Variants in MPHOSPH8 observed in about 807,000 individuals in gnomAD.
The protein encoded by MPHOSPH8 is M-phase phosphoprotein 8.
In MPHOSPH8, 45 loss-of-function variants were observed where a neutral mutation model predicts 87.3. That is an observed-to-expected ratio of 0.52 (90% CI 0.41 to 0.66). MPHOSPH8 has a LOEUF of 0.66. Ranked by LOEUF, MPHOSPH8 falls within the 30% of genes least tolerant of loss-of-function variation. The pLI, the probability that MPHOSPH8 is intolerant of heterozygous loss-of-function variation, is 0.00. For synonymous variants in MPHOSPH8, 366 were observed against 376.9 expected (o/e 0.97, Z 0.33); for missense variants, 883 against 1,020.2 (o/e 0.87, Z 1.83).
Position 19,647,275 on chromosome 13 carries a change from C to T in MPHOSPH8, c.1202C>T (p.Thr401Met), listed in dbSNP as rs1159548036. 40 of 1,600,184 alleles carry T rather than the reference C, an allele frequency of 2.5e-5. No individual in the cohort carries two copies. Among genetic ancestry groups the T allele is most frequent in the Non-Finnish European group, 2.3e-5 (27 of 1,176,064 alleles). Residue 401 changes from threonine (T) to methionine (M), a missense_variant, in exon 3 of 14, where the codon ACG becomes ATG. Physicochemically the swap from Thr to Met is moderately conservative, Grantham distance 81. Transcript: ENST00000361479. ...GGGGAAGAGAGAGGCCTCTGGTCCA[C>T]GGACTCAGCCGAGGAGGTAAGGGCC... ...LSGEERGLWS[T>M]DSAEEDKETK...
intron 1 of MPHOSPH8, 148 bp from the exon 2 acceptor site, chr13:19,641,967 A>T (rs757313460): frequency 2.0e-4 from 118 of 599,496 alleles, no homozygotes; most frequent in Non-Finnish European, 2.7e-4. Flanking sequence ...TTTTCTCAGG[A>T]GATGTGTGTA....
At position 19,633,960 on chromosome 13, in the gene MPHOSPH8, G is replaced by A; in HGVS notation, c.212G>A (p.Gly71Glu). ...AAGATCCTGGACATGAAGACCGAGGGGGTATGTGGAGGGGCCCCGGCGCGG... is the reference window on the plus strand; with the variant it reads ...AAGATCCTGGACATGAAGACCGAGGAGGTATGTGGAGGGGCCCCGGCGCGG... ...VEKILDMKTE[G>E]GKVLYKVRWK... The change falls in exon 1 of 14, where the codon GGG (glycine) becomes GAG (glutamate). Residue 71 changes from glycine (G) to glutamate (E), a missense_variant and splice_region_variant. Physicochemically the swap from Gly to Glu is moderately conservative, Grantham distance 98. This residue lies in a region of MPHOSPH8 where 103 missense variants were observed against 96.3 expected (regional missense o/e 1.07). Transcript: ENST00000361479. 1 of 1,606,572 alleles carries A rather than the reference G, an allele frequency of 6.2e-7. No homozygotes were observed. The highest frequency in any genetic ancestry group is 8.5e-7 in the Non-Finnish European group (1 of 1,177,212).
At chr13:19,650,319 T>C (rs1398140718) in intron 5 of MPHOSPH8, 59 bp downstream of exon 5, 4 of 1,530,042 alleles carry the variant, frequency 2.6e-6, no homozygotes, top group Non-Finnish European at 3.5e-6. Context: ...TATTTTACTG[T>C]ACTCTTCTCT....
intron 1 of MPHOSPH8, among the ~76,000 whole-genome samples, chr13:19,640,506 C>T (rs1373099419): frequency 6.6e-6 from 1 of 151,160 alleles, no homozygotes; most frequent in Non-Finnish European, 1.5e-5. Flanking sequence ...TTCTGGAAGG[C>T]ATTTGGCAGT....
chr13:19,668,116 G>A lies in MPHOSPH8; in HGVS notation c.2175-261G>A, dbSNP rs564986097. Among the ~76,000 whole-genome samples, 41 of 152,334 alleles carry A rather than the reference G, an allele frequency of 2.7e-4. 1 individual carries two copies. In the South Asian group the frequency reaches 8.3e-3, roughly 31 times the overall value. On this transcript the variant is annotated intron_variant, in intron 10 of 13. Coordinates refer to ENST00000361479, the MANE Select transcript of MPHOSPH8 (RefSeq NM_017520.4). The stretch of plus-strand genomic sequence containing the variant: ...GTATTAAGCATAGACTTTGTGCCAG[G>A]CACTGTTCTAAAGGCTGGGGAGATG...
chr13:19,661,640 G>C, intron 7 of MPHOSPH8, 58 bp from the exon 8 acceptor site: 1 of 1,504,320 alleles, frequency 6.6e-7, no homozygotes, highest in Non-Finnish European at 9.0e-7. Flanking sequence ...AGAAGACTTG[G>C]TTCTGAAATT....
intron 5 of MPHOSPH8, among the ~76,000 whole-genome samples, chr13:19,651,150 A>G (rs1468841638): frequency 6.6e-6 from 1 of 152,242 alleles, no homozygotes; most frequent in Non-Finnish European, 1.5e-5. Context: ...AACAAAAGAA[A>G]CACATGAAAA....
At position 19,656,277 on chromosome 13, in the gene MPHOSPH8, C is replaced by CAAAAAAAAAAAAAAAAAAAAAA; in HGVS notation, c.1577-2716_1577-2695dup. ...CTGGACGACAGAGCAAGACTGTTGT[C>CAAAAAAAAAAAAAAAAAAAAAA]AAAAAAAAAAAAAAAAAAAAAAACT... On this transcript the variant is annotated intron_variant, in intron 5 of 13. Coordinates refer to ENST00000361479, the MANE Select transcript of MPHOSPH8 (RefSeq NM_017520.4). 2.8e-5 allele frequency among the ~76,000 whole-genome samples: 2 copies of CAAAAAAAAAAAAAAAAAAAAAA among 72,246 alleles called. 1 individual carries two copies. Among genetic ancestry groups the CAAAAAAAAAAAAAAAAAAAAAA allele is most frequent in the Non-Finnish European group, 4.7e-5 (2 of 42,646 alleles). The allele number at this position is 72,246 out of a possible 152,430, so 47.4% of individuals were successfully genotyped here.
intron 7 of MPHOSPH8, among the ~76,000 whole-genome samples, chr13:19,660,080 G>C (rs549392807): frequency 6.7e-6 from 1 of 148,428 alleles, no homozygotes; most frequent in African/African-American, 2.5e-5. Flanking sequence ...TCCTGCCTCA[G>C]CCTCCCGAGT....
chr13:19,650,322 T>G (rs191207485), intron 5 of MPHOSPH8, 62 bp downstream of exon 5: 1 of 1,522,738 alleles, frequency 6.6e-7, no homozygotes, highest in African/African-American at 1.4e-5. Context: ...TTTACTGTAC[T>G]CTTCTCTGTA....
rs575941988 is a variant in MPHOSPH8 at position 19,636,208 on chromosome 13, C to T, written c.213+2247C>T. Among the ~76,000 whole-genome samples the T allele has an allele frequency of 5.3e-5, 8 of 152,310 alleles. No homozygotes were observed. The South Asian group carries it at 8.3e-4, about 16-fold the overall frequency. On this transcript the variant is annotated intron_variant, in intron 1 of 13. Coordinates refer to ENST00000361479, the MANE Select transcript of MPHOSPH8 (RefSeq NM_017520.4). ...TGTTTTCACTGCTGAGTGAACCAGC[C>T]GGTTGGTTAGCCACCTAGCCATTGA...
chr13:19,651,537 A>G (rs1315282376), intron 5 of MPHOSPH8, among the ~76,000 whole-genome samples: 1 of 152,038 alleles, frequency 6.6e-6, no homozygotes, highest in Non-Finnish European at 1.5e-5. Flanking sequence ...CAAAAAAAAA[A>G]AAAAGAAAAC....
At chr13:19,658,473 G>A (rs77773717) in intron 5 of MPHOSPH8, among the ~76,000 whole-genome samples, 2 of 7,736 alleles carry the variant, frequency 2.6e-4, no homozygotes, top group Non-Finnish European at 1.2e-3. Context: ...AATACCTCAC[G>A]GGGGTGGGTG....
chr13:19,670,266 C>G lies in MPHOSPH8; in HGVS notation c.2360C>G (p.Ala787Gly). 1 of 1,614,178 alleles carries G rather than the reference C, an allele frequency of 6.2e-7. No homozygotes were observed. The highest frequency in any genetic ancestry group is 8.5e-7 in the Non-Finnish European group (1 of 1,180,002). Residue 787 changes from alanine to glycine, a missense_variant, in exon 12 of 14, where the codon GCA (alanine) becomes GGA (glycine). This residue lies in a region of MPHOSPH8 where 741 missense variants were observed against 841.5 expected (regional missense o/e 0.88). Coordinates refer to ENST00000361479, the MANE Select transcript of MPHOSPH8 (RefSeq NM_017520.4). ...GSGILLFIFH[A>G]NFLGKEVIAR... Reference sequence around the variant, plus strand: ...GGCATCCTGCTGTTTATCTTCCATGCAAACTTTTTGGGTAAAGAAGTTATT... The same window carrying G: ...GGCATCCTGCTGTTTATCTTCCATGGAAACTTTTTGGGTAAAGAAGTTATT...
chr13:19,660,740 T>C (rs1875480012), intron 7 of MPHOSPH8, among the ~76,000 whole-genome samples: 1 of 152,222 alleles, frequency 6.6e-6, no homozygotes, highest in Admixed American at 6.5e-5. Flanking sequence ...CATTTTGTTT[T>C]CTAACTGGTT....
chr13:19,665,497 G>T (rs1263408204), intron 9 of MPHOSPH8, among the ~76,000 whole-genome samples: 1 of 148,608 alleles, frequency 6.7e-6, no homozygotes, highest in African/African-American at 2.5e-5. Flanking sequence ...GCTCTGTCCC[G>T]AGCCTGTCCT....
chr13:19,636,102 C>G (rs1873992786), intron 1 of MPHOSPH8, among the ~76,000 whole-genome samples: 1 of 152,290 alleles, frequency 6.6e-6, no homozygotes, highest in African/African-American at 2.4e-5. Flanking sequence ...ATAAATTACC[C>G]AGTCTCAGGT....
intron 12 of MPHOSPH8, chr13:19,670,868 G>C (rs1308932093): frequency 8.1e-6 from 9 of 1,109,316 alleles, no homozygotes; most frequent in Non-Finnish European, 1.1e-5. Context: ...GTCCAGGCTG[G>C]AGTGCAGTGG....
chr13:19,657,357 A>G (rs1875246128), intron 5 of MPHOSPH8, among the ~76,000 whole-genome samples: 1 of 151,986 alleles, frequency 6.6e-6, no homozygotes, highest in Admixed American at 6.5e-5. Flanking sequence ...CTCTACTACA[A>G]AATACAAAAA....
Sources: allele counts gnomAD v4.1 joint callset (sites outside exome capture counted in the v4.1 genomes callset), GRCh38; gene constraint gnomAD v4.1.1; regional missense constraint gnomAD v4.1.1; transcripts MANE v1.5; gene names NCBI Gene and HGNC (gene_info 2026-07-23, HGNC 2026-07-21).